Variants in CCDC102B observed in about 807,000 individuals in gnomAD.
CCDC102B encodes the protein coiled-coil domain-containing protein 102B.
A neutral mutation model predicts 57.4 loss-of-function variants in CCDC102B; 75 were observed. That is an observed-to-expected ratio of 1.31 (90% confidence interval 1.08 to 1.58). The LOEUF is 1.58. Among genes scored for constraint, CCDC102B ranks in the 40% most tolerant of loss-of-function variants. CCDC102B has a pLI of 0.00. For synonymous variants in CCDC102B, 206 were observed against 201.9 expected (o/e 1.02, Z -0.17); for missense variants, 636 against 582.6 (o/e 1.09, Z -0.94).
At chr18:68,800,420 ACTT>A in intron 1 of CCDC102B, among the ~76,000 whole-genome samples, 1 of 152,236 alleles carries the variant, frequency 6.6e-6, no homozygotes. Flanking sequence ...GTTGGGCCAC[ACTT>A]TTCCTTTGGG....
intron 6 of CCDC102B, among the ~76,000 whole-genome samples, chr18:68,919,625 C>G (rs1029116934): frequency 6.6e-6 from 1 of 152,124 alleles, no homozygotes; most frequent in African/African-American, 2.4e-5. Context: ...TAGCCATACA[C>G]AGTATGAACT....
At chr18:68,894,136 T>TA (rs2040168478) in intron 5 of CCDC102B, among the ~76,000 whole-genome samples, 1 of 152,092 alleles carries the variant, frequency 6.6e-6, no homozygotes. Flanking sequence ...TGCCCAATGT[T>TA]ACTCATATTC....
At chr18:68,815,301 T>A (rs559531362) in intron 1 of CCDC102B, among the ~76,000 whole-genome samples, 1 of 152,292 alleles carries the variant, frequency 6.6e-6, no homozygotes, top group Non-Finnish European at 1.5e-5. Context: ...AATCTGTGTA[T>A]TTCAAATGGA....
chr18:68,906,853 A>ATTTTTTTTTTTTTTTTTTTTT (rs2040667452), intron 6 of CCDC102B, among the ~76,000 whole-genome samples: 1 of 145,450 alleles, frequency 6.9e-6, no homozygotes, highest in Admixed American at 6.8e-5. Flanking sequence ...TTTTTTTGTC[A>ATTTTTTTTTTTTTTTTTTTTT]TTTATGCTTC....
chr18:68,817,629 T>C (rs955824690), intron 1 of CCDC102B, among the ~76,000 whole-genome samples: 1 of 152,216 alleles, frequency 6.6e-6, no homozygotes, highest in Non-Finnish European at 1.5e-5. Context: ...TCTATTTAGA[T>C]TGAACATTTT....
chr18:68,784,208 T>C (rs1399312312), intron 2 of CCDC102B, among the ~76,000 whole-genome samples: 1 of 152,154 alleles, frequency 6.6e-6, no homozygotes, highest in Non-Finnish European at 1.5e-5. Flanking sequence ...GCAGGAAGCA[T>C]GGCAGCTTCT....
rs145725487 is a variant in CCDC102B, at chr18:68,915,976, G to A, written c.1263+18548G>A. 3.7e-3 allele frequency among the ~76,000 whole-genome samples: 568 copies of A among 152,140 alleles called. 5 individuals carry two copies. Among genetic ancestry groups the A allele is most frequent in the Non-Finnish European group, 5.0e-3 (341 of 67,984 alleles). On this transcript the variant is annotated intron_variant, in intron 6 of 7. Transcript: ENST00000360242. ...GAAATATGTAAATAACAGAGACAAGGAATATTAAGCCTTATTTTTATAAAA... is the reference window on the plus strand; with the variant it reads ...GAAATATGTAAATAACAGAGACAAGAAATATTAAGCCTTATTTTTATAAAA...
At chr18:69,014,592 T>C (rs972493395) in intron 7 of CCDC102B, among the ~76,000 whole-genome samples, 2 of 151,460 alleles carry the variant, frequency 1.3e-5, no homozygotes, top group East Asian at 3.9e-4. Context: ...TGGGCAAGCA[T>C]GTGTGTGTGT....
chr18:68,898,059 CA>C (rs1261580264), intron 6 of CCDC102B, among the ~76,000 whole-genome samples: 3 of 152,012 alleles, frequency 2.0e-5, no homozygotes, highest in Non-Finnish European at 4.4e-5. Context: ...TATAGACGGA[CA>C]TTTTTTTGAT....
At chr18:68,992,309 A>G (rs1599808586) in intron 6 of CCDC102B, among the ~76,000 whole-genome samples, 1 of 152,240 alleles carries the variant, frequency 6.6e-6, no homozygotes, top group East Asian at 1.9e-4. Context: ...CTTTATGCCA[A>G]TCTGAATAGG....
At chr18:68,959,534 G>C (rs543915504) in intron 6 of CCDC102B, among the ~76,000 whole-genome samples, 2 of 152,164 alleles carry the variant, frequency 1.3e-5, no homozygotes, top group Non-Finnish European at 2.9e-5. Context: ...CAGGACCTAA[G>C]GGCTCGATAT....
At chr18:68,721,685 A>T (rs2032339403) in intron 2 of CCDC102B, 1 of 152,212 alleles carries the variant, frequency 6.6e-6, no homozygotes, top group Non-Finnish European at 1.5e-5. Context: ...TGGAAGTAGC[A>T]TAGTGTTTGA....
intron 7 of CCDC102B, among the ~76,000 whole-genome samples, chr18:69,018,876 C>T (rs2051746740): frequency 6.6e-6 from 1 of 151,944 alleles, no homozygotes; most frequent in Admixed American, 6.6e-5. Flanking sequence ...AGGTTTTCTT[C>T]TAGGAGTTTA....
At chr18:68,952,606 C>A (rs2049729730) in intron 6 of CCDC102B, among the ~76,000 whole-genome samples, 1 of 151,990 alleles carries the variant, frequency 6.6e-6, no homozygotes. Flanking sequence ...AATTTAAGGG[C>A]CTGTGGTAAA....
chr18:68,890,610 T>A (rs1346715297), intron 5 of CCDC102B, among the ~76,000 whole-genome samples: 1 of 152,228 alleles, frequency 6.6e-6, no homozygotes, highest in Non-Finnish European at 1.5e-5. Context: ...ATTTTTTCCA[T>A]CTTGAAAAGT....
In CCDC102B at chr18:68,742,742, A is replaced by G. The variant is rs548381254; in HGVS notation, c.-67+26148A>G. 3.6e-4 allele frequency among the ~76,000 whole-genome samples: 55 copies of G among 152,328 alleles called. 3 individuals carry two copies. In the South Asian group the frequency reaches 0.01, roughly 29 times the overall value. On this transcript the variant is annotated intron_variant, in intron 2 of 3. Transcript: ENST00000578970. Reference sequence around the variant, plus strand: ...TTGCCATTACTAACCACTGGGTAATAAGAATAAAATTTTGCTTCATTAACT... The same window carrying G: ...TTGCCATTACTAACCACTGGGTAATGAGAATAAAATTTTGCTTCATTAACT...
At chr18:68,967,172 C>T (rs952544566) in intron 6 of CCDC102B, among the ~76,000 whole-genome samples, 1 of 136 alleles carries the variant, frequency 7.4e-3, no homozygotes, top group Non-Finnish European at 0.02. Flanking sequence ...GTGTAGAACA[C>T]CCCTCTTCCC....
chr18:68,857,361 A>T (rs1195660104), intron 4 of CCDC102B, among the ~76,000 whole-genome samples: 1 of 100,232 alleles, frequency 1.0e-5, no homozygotes, highest in Non-Finnish European at 1.9e-5. Flanking sequence ...AAATATATAT[A>T]TTTATTTCTA....
chr18:68,921,965 A>G (rs1326203945), intron 6 of CCDC102B, among the ~76,000 whole-genome samples: 1 of 152,172 alleles, frequency 6.6e-6, no homozygotes, highest in Non-Finnish European at 1.5e-5. Flanking sequence ...TGATGCTCTG[A>G]TAGGGACTGG....
Sources: gnomAD v4.1 joint callset for allele counts (sites outside exome capture counted in the v4.1 genomes callset) on GRCh38, gnomAD v4.1.1 for gene constraint, MANE v1.5 for transcripts, NCBI Gene and HGNC (gene_info 2026-07-23, HGNC 2026-07-21) for gene names.